The following ECT2 variants were observed in gnomAD, a reference collection of about 807,000 sequenced individuals.
The protein encoded by ECT2 is epithelial cell transforming 2.
In ECT2, 61 loss-of-function variants were observed where a neutral mutation model predicts 116.9. That is an observed-to-expected ratio of 0.52 (90% CI 0.42 to 0.65). The LOEUF (loss-of-function observed/expected upper bound fraction) is 0.65, where lower values mean the gene tolerates loss of function less well. Among genes scored for constraint, ECT2 ranks in the 30% least tolerant of loss-of-function variants. The probability of loss-of-function intolerance (pLI) is 0.00; values close to 1 mark genes in which losing one functional copy is unlikely to be tolerated. For missense variants in ECT2, 937 were observed against 1,078.7 expected (o/e 0.87, Z 1.84); for synonymous variants, 358 against 346.4 (o/e 1.03, Z -0.37).
chr3:172,784,152 T>A (rs1181573356), intron 16 of ECT2, among the ~76,000 whole-genome samples: 1 of 151,762 alleles, frequency 6.6e-6, no homozygotes, highest in South Asian at 2.1e-4. Flanking sequence ...TTTTTTTTTT[T>A]AAATTGTGGC....
chr3:172,823,562 C>G (rs538765933), downstream of ECT2, among the ~76,000 whole-genome samples: 2 of 152,240 alleles, frequency 1.3e-5, no homozygotes, highest in Non-Finnish European at 2.9e-5. Context: ...AGGCACACCT[C>G]AGATAATACT....
intron 9 of ECT2, 72 bp downstream of exon 9, chr3:172,762,618 T>C (rs1248876570): frequency 1.8e-5 from 28 of 1,579,122 alleles, no homozygotes; most frequent in Non-Finnish European, 2.4e-5. Flanking sequence ...TCCTGGTCAA[T>C]ATACCTCTTA....
chr3:172,793,020 G>T (rs1453303053), intron 18 of ECT2, among the ~76,000 whole-genome samples: 2 of 152,058 alleles, frequency 1.3e-5, no homozygotes, highest in Non-Finnish European at 2.9e-5. Context: ...CACCCAGCAA[G>T]GTATATGCAT....
At chr3:172,766,240 A>G (rs1719352772) in intron 12 of ECT2, among the ~76,000 whole-genome samples, 1 of 152,214 alleles carries the variant, frequency 6.6e-6, no homozygotes, top group South Asian at 2.1e-4. Context: ...ATAGCATACA[A>G]ACTGAGTTTT....
In ECT2 at chr3:172,762,463, C is replaced by T; in HGVS notation, c.806C>T (p.Pro269Leu). The change falls in exon 9 of 25, where the codon CCT becomes CTT. Residue 269 changes from proline (P) to leucine (L), a missense_variant. Transcript: ENST00000392692. ...GACTTTAGAAATGAATTTAAAGTTC[C>T]TCCATTTCAAGATTGTATTTTAAGT... ...VDDFRNEFKV[P>L]PFQDCILSFL... 1 of 1,598,612 alleles carries T rather than the reference C, an allele frequency of 6.3e-7. No homozygotes were observed. The highest frequency in any genetic ancestry group is 8.5e-7 in the Non-Finnish European group (1 of 1,176,474).
chr3:172,828,968 A>T, the ECT2 span: 3 of 1,304,960 alleles, frequency 2.3e-6, no homozygotes, highest in Non-Finnish European at 2.2e-6. Flanking sequence ...AGCACCAATA[A>T]ATTGGTTGCT....
chr3:172,801,024 C>T (rs1413809305), intron 18 of ECT2, among the ~76,000 whole-genome samples: 1 of 152,086 alleles, frequency 6.6e-6, no homozygotes. Flanking sequence ...CATGTTTTTG[C>T]TTAAAATGTT....
At chr3:172,818,538 G>T (rs1220697990) in intron 24 of ECT2, 1 of 1,263,152 alleles carries the variant, frequency 7.9e-7, no homozygotes, top group South Asian at 1.3e-5. Flanking sequence ...GCTTGTTTCT[G>T]TTCTAACAGA....
Position 172,779,473 on chromosome 3 carries a change from T to A in ECT2, c.1549-2690T>A, listed in dbSNP as rs114843889. Among the ~76,000 whole-genome samples, 264 of 152,336 alleles carry A rather than the reference T, an allele frequency of 1.7e-3. 5 individuals are homozygous for A. Among genetic ancestry groups the A allele is most frequent in the African/African-American group, 6.2e-3 (256 of 41,586 alleles). On this transcript the variant is annotated intron_variant, in intron 14 of 24. Coordinates refer to ENST00000392692, the MANE Select transcript of ECT2 (RefSeq NM_001258315.2). The stretch of plus-strand genomic sequence containing the variant: ...AGGATCCCTTTTCATTCTTAAAGAT[T>A]GAAGAAGTTTTACCTATGTGGATTT...
intron 21 of ECT2, 54 bp from the exon 22 acceptor site, chr3:172,807,716 C>A: frequency 7.8e-6 from 12 of 1,546,560 alleles, no homozygotes; most frequent in Non-Finnish European, 1.1e-5. Flanking sequence ...TTGCATACAT[C>A]TGTCATTTTC....
intron 13 of ECT2, 40 bp downstream of exon 13, chr3:172,769,183 T>C (rs1011366868): frequency 8.4e-6 from 13 of 1,549,372 alleles, no homozygotes; most frequent in Non-Finnish European, 8.8e-6. Context: ...TCTGTTCCAG[T>C]GTTCCTAAGT....
rs1560238796 is a variant in ECT2 at position 172,755,316 on chromosome 3, C to CT, written c.152_153insT (p.Arg52LysfsTer22). The CT allele has an allele frequency of 1.2e-6, 2 of 1,605,640 alleles. No homozygotes were observed. The highest frequency in any genetic ancestry group is 1.7e-6 in the Non-Finnish European group (2 of 1,178,012). ...ACAGAAGAGATGCCTCAGATTGAAA[C>CT]AAGAGTGATATTGGTTCAAGAAGCT... On this transcript the variant is annotated frameshift_variant, in exon 3 of 25. Transcript: ENST00000392692. LOFTEE classifies it high-confidence loss of function.
Position 172,764,136 on chromosome 3 carries a change from T to G in ECT2, c.1069-142T>G, listed in dbSNP as rs182738167. The stretch of plus-strand genomic sequence containing the variant: ...TGACTATTATGTTTTATGAAACTTT[T>G]GAATTGCCTGGTAGAGTGTAGGGTT... On this transcript the variant is annotated intron_variant, in intron 11 of 24. Coordinates refer to ENST00000392692, the MANE Select transcript of ECT2 (RefSeq NM_001258315.2). The G allele has an allele frequency of 4.2e-6, 3 of 709,850 alleles. No homozygotes were observed. In the Admixed American group the frequency reaches 8.8e-5, roughly 21 times the overall value. The allele number at this position is 709,850 out of a possible 1,614,324, so 44.0% of individuals were successfully genotyped here.
chr3:172,814,716 G>A (rs1170890059), intron 22 of ECT2, among the ~76,000 whole-genome samples: 2 of 152,056 alleles, frequency 1.3e-5, no homozygotes, highest in Admixed American at 1.3e-4. Flanking sequence ...ATAATGTGAT[G>A]TTTTGATACA....
At chr3:172,774,084 C>T (rs1249691569) in intron 14 of ECT2, 62 bp downstream of exon 14, 1 of 1,499,752 alleles carries the variant, frequency 6.7e-7, no homozygotes, top group Non-Finnish European at 9.2e-7. Context: ...TTATTATGAT[C>T]TTTGAGGTAC....
chr3:172,823,933 C>CT (rs71162315), downstream of ECT2, among the ~76,000 whole-genome samples: 14,274 of 126,550 alleles, frequency 0.11, 938 homozygotes, highest in Non-Finnish European at 0.17. Flanking sequence ...AAGTTTTTCT[C>CT]TTTTTTTTTT....
intron 12 of ECT2, among the ~76,000 whole-genome samples, chr3:172,767,346 C>A (rs1160634934): frequency 6.6e-6 from 1 of 152,108 alleles, no homozygotes; most frequent in East Asian, 1.9e-4. Context: ...GAGACTGAGG[C>A]AGGAGAATCA....
intron 6 of ECT2, among the ~76,000 whole-genome samples, chr3:172,759,927 C>T (rs1353797499): frequency 6.6e-6 from 1 of 152,144 alleles, no homozygotes; most frequent in Non-Finnish European, 1.5e-5. Flanking sequence ...GTTTAACTTA[C>T]ATTTGTGTGA....
At chr3:172,793,573 C>A (rs1264798894) in intron 18 of ECT2, among the ~76,000 whole-genome samples, 2 of 152,314 alleles carry the variant, frequency 1.3e-5, no homozygotes, top group Admixed American at 6.5e-5. Context: ...AAGCAATTCT[C>A]CCGCCTCAGC....
Sources: gnomAD v4.1 joint callset for allele counts (sites outside exome capture counted in the v4.1 genomes callset) on GRCh38, gnomAD v4.1.1 for gene constraint, MANE v1.5 for transcripts, NCBI Gene and HGNC (gene_info 2026-07-23, HGNC 2026-07-21) for gene names.